The following JAZF1 variants were observed in gnomAD, a reference collection of about 807,000 sequenced individuals.
JAZF1 encodes JAZF zinc finger 1.
In JAZF1, 8 loss-of-function variants were observed where a neutral mutation model predicts 26.4. The observed-to-expected ratio is 0.30, with a 90% confidence interval of 0.18 to 0.55. The LOEUF is 0.55. JAZF1 is among the 20% of genes least tolerant of loss of function. The pLI is 0.94. For missense variants in JAZF1, 199 were observed against 322.0 expected, an observed-to-expected ratio of 0.62 and a Z score of 2.92; for synonymous variants, 126 against 122.3, an observed-to-expected ratio of 1.03 and a Z score of -0.20.
intron 1 of JAZF1, among the ~76,000 whole-genome samples, chr7:28,131,351 C>T (rs1782790588): frequency 6.6e-6 from 1 of 151,764 alleles, no homozygotes; most frequent in Non-Finnish European, 1.5e-5. Context: ...CCTGACTGTA[C>T]ACAATAAACT....
At chr7:28,017,681 G>A (rs967130409) in intron 1 of JAZF1, among the ~76,000 whole-genome samples, 14 of 152,208 alleles carry the variant, frequency 9.2e-5, no homozygotes. Flanking sequence ...GATACTTGTG[G>A]GCTCACCAGT....
At chr7:27,992,167 T>C (rs781686731) in intron 1 of JAZF1, 186 bp from the exon 2 acceptor site, 2 of 662,160 alleles carry the variant, frequency 3.0e-6, no homozygotes, top group South Asian at 1.5e-5. Flanking sequence ...GATATTGCAT[T>C]ACTTTTCAAG....
At chr7:27,841,044 C>A (rs1782913569) in intron 3 of JAZF1, 177 bp from the exon 4 acceptor site, 2 of 605,132 alleles carry the variant, frequency 3.3e-6, no homozygotes, top group Non-Finnish European at 5.8e-6. Context: ...ACCCTGGAAG[C>A]AGGAGCCCTG....
At chr7:28,160,943 G>A (rs1424198990) in intron 1 of JAZF1, among the ~76,000 whole-genome samples, 1 of 152,058 alleles carries the variant, frequency 6.6e-6, no homozygotes, top group Non-Finnish European at 1.5e-5. Context: ...AGCATTTTTT[G>A]ACCTGAAAGA....
Position 28,120,256 on chromosome 7 carries a change from A to ATTTTC in JAZF1, c.115+60202_115+60206dup, listed in dbSNP as rs578130975. On this transcript the variant is annotated intron_variant, in intron 1 of 4. Coordinates refer to ENST00000283928, the MANE Select transcript of JAZF1 (RefSeq NM_175061.4). Reference sequence around the variant, plus strand: ...AAAGGTCTTAGAGGATTGGCTGCTTATTTTCTTCTTTGCACTCCCTAGAAC... The same window carrying ATTTTC: ...AAAGGTCTTAGAGGATTGGCTGCTTATTTTCTTTTCTTCTTTGCACTCCCTAGAAC... Among the ~76,000 whole-genome samples, 213 of 151,328 alleles carry ATTTTC rather than the reference A, an allele frequency of 1.4e-3. 1 individual carries two copies. Among genetic ancestry groups the ATTTTC allele is most frequent in the African/African-American group, 5.0e-3 (206 of 41,266 alleles).
intron 3 of JAZF1, among the ~76,000 whole-genome samples, chr7:27,878,104 T>TG (rs1363631368): frequency 6.6e-6 from 1 of 152,120 alleles, no homozygotes; most frequent in Non-Finnish European, 1.5e-5. Context: ...TATGGCTCGA[T>TG]GGGGTCTCAG....
intron 3 of JAZF1, among the ~76,000 whole-genome samples, chr7:27,848,558 C>T (rs185734679): frequency 1.3e-4 from 20 of 152,302 alleles, no homozygotes; most frequent in Admixed American, 5.9e-4. Flanking sequence ...AAGGATCCAC[C>T]GGCTGTGACA....
intron 3 of JAZF1, among the ~76,000 whole-genome samples, chr7:27,883,317 T>C (rs1783803213): frequency 6.6e-6 from 1 of 152,226 alleles, no homozygotes; most frequent in Non-Finnish European, 1.5e-5. Context: ...TAGCACGAAG[T>C]GAAATATGGC....
At chr7:28,097,972 C>T (rs143173938) in intron 1 of JAZF1, among the ~76,000 whole-genome samples, 198 of 152,304 alleles carry the variant, frequency 1.3e-3, no homozygotes, top group African/African-American at 4.7e-3. Context: ...ATTATTAAAT[C>T]TCATGATGAA....
intron 1 of JAZF1, among the ~76,000 whole-genome samples, chr7:28,074,224 G>C (rs532565939): frequency 6.6e-6 from 1 of 152,280 alleles, no homozygotes; most frequent in African/African-American, 2.4e-5. Context: ...GTCAGAAGAA[G>C]GGCCATGAAA....
chr7:27,999,675 G>C (rs1332133216), intron 1 of JAZF1, among the ~76,000 whole-genome samples: 1 of 152,124 alleles, frequency 6.6e-6, no homozygotes, highest in Non-Finnish European at 1.5e-5. Context: ...TAAGGAACCA[G>C]ATCTTAGAGG....
intron 1 of JAZF1, among the ~76,000 whole-genome samples, chr7:28,110,673 T>TA (rs1784647868): frequency 6.6e-6 from 1 of 151,260 alleles, no homozygotes; most frequent in Non-Finnish European, 1.5e-5. Flanking sequence ...AAAGTTAGTT[T>TA]AAAAACAAAT....
At chr7:27,845,711 A>AAAAAAAAAGAAAG (rs1554328474) in intron 3 of JAZF1, among the ~76,000 whole-genome samples, 18 of 137,704 alleles carry the variant, frequency 1.3e-4, no homozygotes, top group East Asian at 4.3e-4. Context: ...AAAAAAAAAA[A>AAAAAAAAAGAAAG]AAAGAAAAGA....
At chr7:27,986,066 C>T (rs1377417962) in intron 2 of JAZF1, among the ~76,000 whole-genome samples, 1 of 152,188 alleles carries the variant, frequency 6.6e-6, no homozygotes, top group African/African-American at 2.4e-5. Flanking sequence ...ACAGGGATGT[C>T]CTCTCTCACC....
chr7:27,857,094 G>C (rs6970182), intron 3 of JAZF1, among the ~76,000 whole-genome samples: 2 of 152,234 alleles, frequency 1.3e-5, no homozygotes, highest in African/African-American at 4.8e-5. Flanking sequence ...ACTGGGCGCC[G>C]TGGAGCAGGG....
chr7:28,022,435 G>C (rs1304912019), intron 1 of JAZF1, among the ~76,000 whole-genome samples: 1 of 152,182 alleles, frequency 6.6e-6, no homozygotes, highest in Non-Finnish European at 1.5e-5. Context: ...GACAACATCT[G>C]CTCCTATCTG....
At chr7:27,976,025 A>C (rs1441810394) in intron 2 of JAZF1, among the ~76,000 whole-genome samples, 1 of 152,112 alleles carries the variant, frequency 6.6e-6, no homozygotes, top group Non-Finnish European at 1.5e-5. Flanking sequence ...TTGTCCTTCC[A>C]GCTTCCCAGT....
chr7:27,969,632 A>T (rs1785341562), intron 2 of JAZF1, among the ~76,000 whole-genome samples: 1 of 152,202 alleles, frequency 6.6e-6, no homozygotes, highest in Admixed American at 6.5e-5. Flanking sequence ...AAAACCAAAC[A>T]ACAAGCAAGG....
chr7:27,973,194 C>T (rs963359687), intron 2 of JAZF1, among the ~76,000 whole-genome samples: 1 of 151,990 alleles, frequency 6.6e-6, no homozygotes, highest in Non-Finnish European at 1.5e-5. Flanking sequence ...TTCTATTATT[C>T]AATAGTCATA....
Sources: gnomAD v4.1 joint callset for allele counts (sites outside exome capture counted in the v4.1 genomes callset) on GRCh38, gnomAD v4.1.1 for gene constraint, MANE v1.5 for transcripts, NCBI Gene and HGNC (gene_info 2026-07-23, HGNC 2026-07-21) for gene names.